CAMK4: variants seen among roughly 807,000 people sequenced by gnomAD.
CAMK4 encodes the protein calcium/calmodulin dependent protein kinase IV, also known as calcium/calmodulin-dependent protein kinase type IV.
CAMK4 carries 22 observed loss-of-function variants against 44.9 expected under a neutral mutation model. The ratio of observed to expected loss-of-function variants is 0.49; its 90% CI spans 0.35 to 0.70. The LOEUF is 0.70. Among genes scored for constraint, CAMK4 ranks in the 30% least tolerant of loss-of-function variants. The probability of loss-of-function intolerance (pLI) is 0.01; values close to 1 mark genes in which losing one functional copy is unlikely to be tolerated. For synonymous variants in CAMK4, 218 were observed against 215.4 expected (o/e 1.01, Z -0.11); for missense variants, 498 against 586.8 (o/e 0.85, Z 1.56).
chr5:111,300,849 A>G (rs1451810345), intron 1 of CAMK4, among the ~76,000 whole-genome samples: 3 of 152,278 alleles, frequency 2.0e-5, no homozygotes, highest in Non-Finnish European at 4.4e-5. Context: ...TATTTAAATT[A>G]GATTTAGTCA....
intron 5 of CAMK4, among the ~76,000 whole-genome samples, chr5:111,430,359 C>T (rs1753399697): frequency 6.6e-6 from 1 of 152,168 alleles, no homozygotes; most frequent in Non-Finnish European, 1.5e-5. Context: ...TAGTATTATA[C>T]TGAGTGGGGA....
At chr5:111,412,297 G>T (rs988046756) in intron 5 of CAMK4, among the ~76,000 whole-genome samples, 2 of 152,190 alleles carry the variant, frequency 1.3e-5, no homozygotes, top group African/African-American at 4.8e-5. Flanking sequence ...CTATAAAACA[G>T]AGACAGTAGT....
chr5:111,430,222 G>C (rs1753393725), intron 5 of CAMK4, among the ~76,000 whole-genome samples: 1 of 152,170 alleles, frequency 6.6e-6, no homozygotes, highest in South Asian at 2.1e-4. Flanking sequence ...AAAACCATGT[G>C]ATCATTTCAA....
chr5:111,457,943 A>G (rs1321571124), intron 7 of CAMK4, among the ~76,000 whole-genome samples: 1 of 152,244 alleles, frequency 6.6e-6, no homozygotes, highest in East Asian at 1.9e-4. Context: ...AATGCATGGT[A>G]AAATTCCAGT....
At chr5:111,326,997 GT>G (rs959153575) in intron 1 of CAMK4, among the ~76,000 whole-genome samples, 4 of 149,520 alleles carry the variant, frequency 2.7e-5, no homozygotes, top group South Asian at 2.1e-4. Context: ...CTAAGAAACT[GT>G]TTTTTTTTTA....
At chr5:111,327,111 A>C (rs921722567) in intron 1 of CAMK4, among the ~76,000 whole-genome samples, 1 of 151,006 alleles carries the variant, frequency 6.6e-6, no homozygotes, top group Non-Finnish European at 1.5e-5. Context: ...GCACCCATTA[A>C]CTCGTCATTT....
At chr5:111,286,394 T>A (rs1580532793) in intron 1 of CAMK4, among the ~76,000 whole-genome samples, 1 of 152,212 alleles carries the variant, frequency 6.6e-6, no homozygotes, top group African/African-American at 2.4e-5. Flanking sequence ...TGTGTCCATA[T>A]AATTAGAACA....
chr5:111,459,943 G>T (rs1042439128), intron 7 of CAMK4, among the ~76,000 whole-genome samples: 1 of 151,922 alleles, frequency 6.6e-6, no homozygotes, highest in African/African-American at 2.4e-5. Context: ...ACACTACTTC[G>T]AGAACAGAAC....
intron 2 of CAMK4, among the ~76,000 whole-genome samples, chr5:111,353,069 G>A (rs750270404): frequency 2.6e-5 from 4 of 151,948 alleles, no homozygotes; most frequent in South Asian, 2.1e-4. Context: ...GGGTAGGTGC[G>A]GTTGGAGGTA....
chr5:111,227,460 A>G (rs1192944737), intron 1 of CAMK4, among the ~76,000 whole-genome samples: 1 of 152,250 alleles, frequency 6.6e-6, no homozygotes, highest in Non-Finnish European at 1.5e-5. Context: ...GAAAGTAGAC[A>G]GTCTCCACCA....
chr5:111,470,730 G>A (rs1436561739), intron 7 of CAMK4, among the ~76,000 whole-genome samples: 3 of 152,172 alleles, frequency 2.0e-5, no homozygotes, highest in Non-Finnish European at 4.4e-5. Flanking sequence ...CTACTGTAAG[G>A]TAGATGCCTA....
intron 1 of CAMK4, among the ~76,000 whole-genome samples, chr5:111,328,850 T>C (rs374057813): frequency 6.6e-6 from 1 of 152,058 alleles, no homozygotes; most frequent in Admixed American, 6.6e-5. Context: ...GTGATTTTTG[T>C]ACATTGATTT....
chr5:111,265,357 A>G (rs890506101), intron 1 of CAMK4, among the ~76,000 whole-genome samples: 2 of 152,282 alleles, frequency 1.3e-5, no homozygotes, highest in East Asian at 3.8e-4. Context: ...CTGGCTGGCT[A>G]TTATCTTTAT....
At chr5:111,278,855 A>T (rs1750882546) in intron 1 of CAMK4, among the ~76,000 whole-genome samples, 1 of 152,242 alleles carries the variant, frequency 6.6e-6, no homozygotes, top group Admixed American at 6.5e-5. Context: ...ACTTTTTAAA[A>T]TATAAATATA....
At chr5:111,302,019 C>G (rs907753764) in intron 1 of CAMK4, among the ~76,000 whole-genome samples, 3 of 152,178 alleles carry the variant, frequency 2.0e-5, no homozygotes, top group Non-Finnish European at 4.4e-5. Flanking sequence ...AGGATGTTTG[C>G]TGAAGGGTAA....
intron 3 of CAMK4, among the ~76,000 whole-genome samples, chr5:111,376,289 G>A (rs1751209581): frequency 6.6e-6 from 1 of 151,614 alleles, no homozygotes; most frequent in Non-Finnish European, 1.5e-5. Context: ...GCTTGGATTA[G>A]CTGAATGTGA....
intron 4 of CAMK4, among the ~76,000 whole-genome samples, chr5:111,391,888 T>C (rs1751814002): frequency 6.6e-6 from 1 of 152,086 alleles, no homozygotes; most frequent in South Asian, 2.1e-4. Flanking sequence ...TTGGAGAAAA[T>C]CAGGTTGTCA....
At chr5:111,392,320 A>G (rs1751831014) in intron 4 of CAMK4, among the ~76,000 whole-genome samples, 1 of 152,152 alleles carries the variant, frequency 6.6e-6, no homozygotes, top group African/African-American at 2.4e-5. Flanking sequence ...CAAAGGGGGA[A>G]GTGCCACACA....
rs1751386699 is a variant in CAMK4 at position 111,290,087 on chromosome 5, G to A, written c.162-53937G>A. Among the ~76,000 whole-genome samples, 1 of 152,068 alleles carries A rather than the reference G, an allele frequency of 6.6e-6. No individual in the cohort carries two copies. The highest frequency in any genetic ancestry group is 6.6e-5 in the Admixed American group (1 of 15,262). ...GAGCCCATCCCACCTTTATCCCTAG[G>A]TTTCCAGACCTGTGCATTCAAGGCC... is the stretch of plus-strand genomic sequence containing the variant. On this transcript the variant is annotated intron_variant, in intron 1 of 10. Transcript: ENST00000282356. This position sits in a 1 kb window ranked among gnomAD's most constrained non-coding sequence, Gnocchi z 4.5.
Sources: gnomAD v4.1 joint callset for allele counts (sites outside exome capture counted in the v4.1 genomes callset) on GRCh38, gnomAD v4.1.1 for gene constraint, Gnocchi (gnomAD v3.1) non-coding constraint, MANE v1.5 for transcripts, NCBI Gene and HGNC (gene_info 2026-07-23, HGNC 2026-07-21) for gene names.